Variants in CFAP58 observed in about 807,000 individuals in gnomAD.
The protein encoded by CFAP58 is cilia- and flagella-associated protein 58.
A neutral mutation model predicts 119.5 loss-of-function variants in CFAP58; 88 were observed. The ratio of observed to expected loss-of-function variants is 0.74; its 90% CI spans 0.62 to 0.88. The LOEUF (loss-of-function observed/expected upper bound fraction) is 0.88. CFAP58 is among the 40% of genes least tolerant of loss of function. The pLI is 0.00. For missense variants in CFAP58, 990 were observed against 1,021.2 expected (o/e 0.97, Z 0.42); for synonymous variants, 365 against 366.3 (o/e 1.00, Z 0.04).
intron 15 of CFAP58, among the ~76,000 whole-genome samples, chr10:104,423,378 T>G (rs563640758): frequency 1.3e-5 from 2 of 152,210 alleles, no homozygotes; most frequent in Non-Finnish European, 2.9e-5. Flanking sequence ...CTTTTGATAT[T>G]TATAGTTATT....
chr10:104,399,194 G>GTT (rs141096600), intron 11 of CFAP58, among the ~76,000 whole-genome samples, 166 bp from the exon 12 acceptor site: 3,478 of 152,138 alleles, frequency 0.023, 87 homozygotes, highest in African/African-American at 0.063. Context: ...GTGTGTGTGT[G>GTT]TGTGTGTTGT....
chr10:104,402,496 G>A lies in CFAP58; in HGVS notation c.2040-1233G>A, dbSNP rs547558739. Among the ~76,000 whole-genome samples the A allele has an allele frequency of 3.7e-4, 57 of 152,294 alleles. 3 individuals are homozygous for A. In the South Asian group the frequency reaches 0.012, roughly 31 times the overall value. On this transcript the variant is annotated intron_variant, in intron 13 of 17. Coordinates refer to ENST00000369704, the MANE Select transcript of CFAP58 (RefSeq NM_001008723.2). ...TTAGTAATCTGCACCCCTGCAGCAG[G>A]CGAGGACAGGTAATAATATCCTTAT...
chr10:104,430,508 A>C (rs2133078467), intron 15 of CFAP58, among the ~76,000 whole-genome samples: 1 of 152,266 alleles, frequency 6.6e-6, no homozygotes, highest in African/African-American at 2.4e-5. Flanking sequence ...ACAATTTTCC[A>C]CTTCCCTAAA....
chr10:104,401,208 A>C (rs2012259148), intron 13 of CFAP58, among the ~76,000 whole-genome samples: 1 of 152,230 alleles, frequency 6.6e-6, no homozygotes, highest in African/African-American at 2.4e-5. Flanking sequence ...GTTACAATTC[A>C]GAAATTTTTT....
rs757399364 is a variant in CFAP58, at chr10:104,403,816, T to G, written c.2127T>G (p.Asn709Lys). The G allele has an allele frequency of 6.2e-7, 1 of 1,610,654 alleles. No homozygotes were observed. Among genetic ancestry groups the G allele is most frequent in the Admixed American group, 1.7e-5 (1 of 59,780 alleles). ...AGGAGGAGCTGGAGAATCCCCTGAA[T>G]GTGCACAGATGGAGGAAGCTCGAGG... ...ALEEELENPL[N>K]VHRWRKLEAS... is the part of the protein sequence containing the mutation. The change falls in exon 14 of 18, where the codon AAT (asparagine) becomes AAG (lysine). Residue 709 changes from asparagine to lysine, a missense_variant. Coordinates refer to ENST00000369704, the MANE Select transcript of CFAP58 (RefSeq NM_001008723.2).
chr10:104,436,552 G>C (rs1024894293), intron 15 of CFAP58, among the ~76,000 whole-genome samples: 13 of 152,110 alleles, frequency 8.5e-5, no homozygotes, highest in Admixed American at 7.2e-4. Context: ...AATGAAAGCA[G>C]GAACAGGAGA....
At chr10:104,421,731 T>G (rs747170171) in intron 15 of CFAP58, among the ~76,000 whole-genome samples, 2 of 152,220 alleles carry the variant, frequency 1.3e-5, no homozygotes, top group Non-Finnish European at 2.9e-5. Flanking sequence ...CTTACTTAAC[T>G]TCTCTAAGCC....
intron 15 of CFAP58, among the ~76,000 whole-genome samples, chr10:104,435,888 C>T (rs1388959582): frequency 1.3e-5 from 2 of 152,068 alleles, no homozygotes; most frequent in Non-Finnish European, 2.9e-5. Context: ...TTGAACTTAC[C>T]ATCTTCTGCC....
In CFAP58 at chr10:104,355,310, A is replaced by G. The variant is rs564314241; in HGVS notation, c.9+1404A>G. 1.6e-4 allele frequency among the ~76,000 whole-genome samples: 25 copies of G among 152,284 alleles called. No individual in the cohort carries two copies. The South Asian group carries it at 4.8e-3, about 29-fold the overall frequency. ...GAAGCCCCAGCCTCCCAGAGGCACCAGCCCCTCATTTCCTTGGCTCTGCCC... is the reference window on the plus strand; with the variant it reads ...GAAGCCCCAGCCTCCCAGAGGCACCGGCCCCTCATTTCCTTGGCTCTGCCC... On this transcript the variant is annotated intron_variant, in intron 1 of 17. Transcript: ENST00000369704.
chr10:104,341,061 G>A, the CFAP58 span, among the ~76,000 whole-genome samples: 1 of 152,058 alleles, frequency 6.6e-6, no homozygotes, highest in Admixed American at 6.5e-5. Context: ...ACGTGCTGAG[G>A]GAATCCTAAT....
intron 13 of CFAP58, among the ~76,000 whole-genome samples, chr10:104,401,358 T>A (rs1227417442): frequency 6.6e-6 from 1 of 152,200 alleles, no homozygotes; most frequent in Non-Finnish European, 1.5e-5. Flanking sequence ...GAAAATATAA[T>A]TTTACCACTA....
intron 15 of CFAP58, among the ~76,000 whole-genome samples, chr10:104,413,925 C>A (rs2012502797): frequency 6.6e-6 from 1 of 152,204 alleles, no homozygotes; most frequent in Non-Finnish European, 1.5e-5. Flanking sequence ...CAAATGGTTT[C>A]TTCCAAATGC....
chr10:104,379,736 T>G (rs1007209401), intron 8 of CFAP58, among the ~76,000 whole-genome samples: 1 of 152,196 alleles, frequency 6.6e-6, no homozygotes, highest in Non-Finnish European at 1.5e-5. Flanking sequence ...TTGTATGAAC[T>G]TGTGGGCAAA....
At chr10:104,369,825 G>A (rs969971539) in intron 6 of CFAP58, among the ~76,000 whole-genome samples, 4 of 152,102 alleles carry the variant, frequency 2.6e-5, no homozygotes, top group Non-Finnish European at 5.9e-5. Flanking sequence ...ACCTTTGTTC[G>A]CAAAAGAATC....
chr10:104,413,570 CTGT>C (rs1488337309), intron 15 of CFAP58, among the ~76,000 whole-genome samples: 2 of 152,130 alleles, frequency 1.3e-5, no homozygotes, highest in Admixed American at 1.3e-4. Flanking sequence ...CCTCTCCTTG[CTGT>C]TGTTGCTTCA....
Position 104,441,820 on chromosome 10 carries a change from T to C in CFAP58, c.2257-5878T>C, listed in dbSNP as rs550711621. ...CATCACCAAATGCCAGCATTTCCTG[T>C]CCTCTCTAGGGGGCTTTACTACTTC... On this transcript the variant is annotated intron_variant, in intron 15 of 17. Transcript: ENST00000369704. Among the ~76,000 whole-genome samples, 488 of 152,318 alleles carry C rather than the reference T, an allele frequency of 3.2e-3. 3 individuals carry two copies. The highest frequency in any genetic ancestry group is 0.012 in the African/African-American group (479 of 41,580).
At chr10:104,377,972 A>T (rs2011705162) in intron 8 of CFAP58, among the ~76,000 whole-genome samples, 1 of 152,216 alleles carries the variant, frequency 6.6e-6, no homozygotes, top group Non-Finnish European at 1.5e-5. Context: ...ACACACATTT[A>T]ATCTGTTTAT....
intron 15 of CFAP58, among the ~76,000 whole-genome samples, chr10:104,408,696 T>C (rs1015914903): frequency 3.3e-5 from 5 of 152,226 alleles, no homozygotes; most frequent in Non-Finnish European, 5.9e-5. Flanking sequence ...TCCCTCTATA[T>C]ACTCTGGGTT....
chr10:104,339,951 G>A, the CFAP58 span, among the ~76,000 whole-genome samples: 2 of 152,178 alleles, frequency 1.3e-5, no homozygotes, highest in African/African-American at 4.8e-5. Flanking sequence ...TGTCATCCTT[G>A]GGCTAAGAGT....
Sources: allele counts gnomAD v4.1 joint callset (sites outside exome capture counted in the v4.1 genomes callset), GRCh38; gene constraint gnomAD v4.1.1; transcripts MANE v1.5; gene names NCBI Gene and HGNC (gene_info 2026-07-23, HGNC 2026-07-21).